Variants in EFHB observed in about 807,000 individuals in gnomAD.
The protein encoded by EFHB is EF-hand domain family member B, also known as EF-hand domain-containing family member B.
Under a neutral mutation model 87.2 loss-of-function variants are expected in EFHB, and 91 were observed. The observed-to-expected ratio is 1.04, with a 90% CI of 0.88 to 1.24. EFHB has a LOEUF of 1.24. EFHB is among the 50% of genes most tolerant of loss of function. The pLI is 0.00. For missense variants in EFHB, 1,084 were observed against 998.8 expected, an observed-to-expected ratio of 1.09 and a Z score of -1.15; for synonymous variants, 325 against 333.6, an observed-to-expected ratio of 0.97 and a Z score of 0.28.
intron 6 of EFHB, among the ~76,000 whole-genome samples, chr3:19,902,417 C>T (rs1161407607): frequency 1.3e-5 from 2 of 152,064 alleles, no homozygotes; most frequent in Non-Finnish European, 2.9e-5. Flanking sequence ...TGCAATGGCG[C>T]CATCTCAGCT....
At chr3:19,894,435 G>A (rs188699705) in intron 9 of EFHB, 2 of 152,264 alleles carry the variant, frequency 1.3e-5, no homozygotes, top group East Asian at 1.9e-4. Flanking sequence ...AATAATGCTT[G>A]ATGTATTATG....
intron 1 of EFHB, 131 bp downstream of exon 1, chr3:19,933,099 G>T (rs761193181): frequency 4.3e-5 from 51 of 1,174,316 alleles, no homozygotes; most frequent in Non-Finnish European, 5.6e-5. Flanking sequence ...AGTGGGGCAA[G>T]AAATATAGGA....
At chr3:19,884,728 G>A (rs1351717479) in intron 10 of EFHB, 113 bp from the exon 11 acceptor site, 7 of 1,025,160 alleles carry the variant, frequency 6.8e-6, no homozygotes, top group Admixed American at 5.1e-5. Flanking sequence ...AATGGAAACA[G>A]CTGGCATGAC....
At position 19,879,641 on chromosome 3, in the gene EFHB, G is replaced by C. The variant is rs766107951; in HGVS notation, c.2492C>G (p.Thr831Arg). The C allele has an allele frequency of 6.3e-7, 1 of 1,581,542 alleles. No homozygotes were observed. Among genetic ancestry groups the C allele is most frequent in the South Asian group, 1.2e-5 (1 of 85,196 alleles). Residue 831 changes from threonine to arginine, a missense_variant, in exon 13 of 13, where the codon ACA (threonine) becomes AGA (arginine). By Grantham distance (71) the Thr-to-Arg change is moderately conservative. Coordinates refer to ENST00000295824, the MANE Select transcript of EFHB (RefSeq NM_144715.4). ...TGAAGTCCAAAAATATCACATGAGT[G>C]TTTTACACTTGATCCGGTCTGCATG... Reference protein sequence around the residue: ...LRHADRIKCKTLM With the variant: ...LRHADRIKCKRLM
chr3:19,943,588 A>T (rs191353714), intron 1 of EFHB, among the ~76,000 whole-genome samples: 51 of 152,294 alleles, frequency 3.3e-4, no homozygotes, highest in African/African-American at 7.7e-4. Context: ...AATACAAATT[A>T]AAAAAATACA....
At chr3:19,892,100 G>T (rs989437753) in intron 9 of EFHB, among the ~76,000 whole-genome samples, 2 of 152,144 alleles carry the variant, frequency 1.3e-5, no homozygotes, top group Non-Finnish European at 2.9e-5. Context: ...AATCATATGG[G>T]TCTAGTCCCA....
intron 3 of EFHB, among the ~76,000 whole-genome samples, chr3:19,918,633 AC>A (rs1445473544): frequency 6.6e-6 from 1 of 152,068 alleles, no homozygotes; most frequent in Non-Finnish European, 1.5e-5. Context: ...TTTCAGTGAT[AC>A]TAAAAGGTTT....
chr3:19,919,905 A>G lies in EFHB; in HGVS notation c.924T>C (p.Phe308=). 6.2e-7 allele frequency: 1 copy of G among 1,613,786 alleles called. No individual in the cohort carries two copies. The highest frequency in any genetic ancestry group is 8.5e-7 in the Non-Finnish European group (1 of 1,179,772). Residue 308 remains phenylalanine (F), a synonymous_variant, in exon 3 of 13, where the codon TTT becomes TTC. Transcript: ENST00000295824. The part of the protein sequence containing the change: ...RYPPAGVERV[F]YGRANDPQIA... ...TCTGGGGATCATTTGCTCTTCCGTAAAATACTCTTTCTACTCCAGCAGGTG... is the reference window on the plus strand; with the variant it reads ...TCTGGGGATCATTTGCTCTTCCGTAGAATACTCTTTCTACTCCAGCAGGTG...
Position 19,879,678 on chromosome 3 carries a change from C to T in EFHB, c.2455G>A (p.Asp819Asn). ...VCVENIRNVL[D>N]ELRHADRIKC... is the part of the protein sequence containing the mutation. ...ATCCGGTCTGCATGCCGTAGCTCAT[C>T]TAGAACATTTCTGATGTTCTCAACA... is the stretch of plus-strand genomic sequence containing the variant. Residue 819 changes from aspartate (D) to asparagine (N), a missense_variant, in exon 13 of 13, where the codon GAT becomes AAT. Physicochemically the swap from Asp to Asn is conservative, Grantham distance 23. Coordinates refer to ENST00000295824, the MANE Select transcript of EFHB (RefSeq NM_144715.4). 6.2e-7 allele frequency: 1 copy of T among 1,608,488 alleles called. No individual in the cohort carries two copies.
intron 7 of EFHB, among the ~76,000 whole-genome samples, 175 bp downstream of exon 7, chr3:19,899,257 T>C (rs1694588054): frequency 6.6e-6 from 1 of 152,234 alleles, no homozygotes; most frequent in Non-Finnish European, 1.5e-5. Context: ...GAGAACTCAC[T>C]GCTTTCCTGG....
At chr3:19,913,187 A>G (rs971960363) in intron 5 of EFHB, among the ~76,000 whole-genome samples, 1 of 152,208 alleles carries the variant, frequency 6.6e-6, no homozygotes, top group Non-Finnish European at 1.5e-5. Context: ...TTCATACTGG[A>G]AGTCCAAGCT....
upstream of EFHB, among the ~76,000 whole-genome samples, chr3:19,935,462 A>G (rs999693049): frequency 2.0e-5 from 3 of 152,100 alleles, no homozygotes; most frequent in Admixed American, 6.6e-5. Context: ...CTTTAATCCC[A>G]GCACTTTGGG....
rs1695914053 is a variant in EFHB, at chr3:19,933,653, A to C, written c.366T>G (p.His122Gln). The C allele has an allele frequency of 6.2e-7, 1 of 1,614,004 alleles. No individual in the cohort carries two copies. Among genetic ancestry groups the C allele is most frequent in the Non-Finnish European group, 8.5e-7 (1 of 1,179,886 alleles). ...CCAAAGGAGGCTGTATTATCCGTTC[A>C]TGGGTATATCCTGCAAGAAGACTCT... is the stretch of plus-strand genomic sequence containing the variant. ...ENESLLAGYT[H>Q]ERIIQPPLGR... is the part of the protein sequence containing the mutation. Residue 122 changes from histidine to glutamine, a missense_variant, in exon 1 of 13, where the codon CAT becomes CAG. By Grantham distance (24) the His-to-Gln change is conservative. Transcript: ENST00000295824.
chr3:19,882,048 TA>T (rs1559441312), intron 12 of EFHB, among the ~76,000 whole-genome samples: 66 of 94,040 alleles, frequency 7.0e-4, no homozygotes, highest in African/African-American at 2.0e-3. Context: ...AATAAATAAA[TA>T]AATAAATAAA....
At chr3:19,888,809 G>A (rs564742086) in intron 9 of EFHB, among the ~76,000 whole-genome samples, 158 bp from the exon 10 acceptor site, 3 of 152,352 alleles carry the variant, frequency 2.0e-5, no homozygotes, top group South Asian at 2.1e-4. Context: ...TGGTTAGACC[G>A]TGGTAGAGCA....
chr3:19,939,200 C>A (rs1242672124), upstream of EFHB, among the ~76,000 whole-genome samples: 1 of 151,926 alleles, frequency 6.6e-6, no homozygotes, highest in South Asian at 2.1e-4. Context: ...GTCAACATGC[C>A]CAGCCTACTT....
rs754446231 is a variant in EFHB, at chr3:19,933,608, TGAACTTCCACACACCCTGC to T, written c.392_410del (p.Gly131AspfsTer18). 1 of 1,613,906 alleles carries T rather than the reference TGAACTTCCACACACCCTGC, an allele frequency of 6.2e-7. No homozygotes were observed. Among genetic ancestry groups the T allele is most frequent in the Middle Eastern group, 1.6e-4 (1 of 6,084 alleles). ...GAGCTCTCCTGCTCCCTGCAGCCTG[TGAACTTCCACACACCCTGC>T]CCAAAGGAGGCTGTATTATCCGTTC... is the stretch of plus-strand genomic sequence containing the variant. On this transcript the variant is annotated frameshift_variant, in exon 1 of 13. Transcript: ENST00000295824. LOFTEE classifies it high-confidence loss of function.
At chr3:19,908,648 G>GAA (rs1559459982) in intron 5 of EFHB, among the ~76,000 whole-genome samples, 1 of 148,350 alleles carries the variant, frequency 6.7e-6, no homozygotes, top group African/African-American at 2.5e-5. Flanking sequence ...AAGAAAGAAA[G>GAA]AAAGAAAAAG....
At chr3:19,936,623 TGTGGGA>T (rs1280664293), upstream of EFHB, among the ~76,000 whole-genome samples, 1 of 152,052 alleles carries the variant, frequency 6.6e-6, no homozygotes, top group East Asian at 1.9e-4. Flanking sequence ...ATCCCAGCAC[TGTGGGA>T]GGCCTAGGCG....
Sources: gnomAD v4.1 joint callset for allele counts (sites outside exome capture counted in the v4.1 genomes callset) on GRCh38, gnomAD v4.1.1 for gene constraint, MANE v1.5 for transcripts, NCBI Gene and HGNC (gene_info 2026-07-23, HGNC 2026-07-21) for gene names.